Variants in MEPE observed in about 807,000 individuals in gnomAD.
MEPE encodes matrix extracellular phosphoglycoprotein.
MEPE carries 7 observed loss-of-function variants against 7.3 expected under a neutral mutation model. That is an observed-to-expected ratio of 0.95 (90% CI 0.54 to 1.79). MEPE has a LOEUF of 1.79. Ranked by LOEUF, MEPE falls within the 40% of genes most tolerant of loss-of-function variation. The pLI is 0.00. For synonymous variants in MEPE, 214 were observed against 213.1 expected, an observed-to-expected ratio of 1.00 and a Z score of -0.04; for missense variants, 623 against 628.2, an observed-to-expected ratio of 0.99 and a Z score of 0.09.
chr4:87,823,524 A>C (rs1722392541), intron 1 of MEPE, among the ~76,000 whole-genome samples: 2 of 152,226 alleles, frequency 1.3e-5, no homozygotes, highest in South Asian at 4.1e-4. Context: ...TTTAACCAAA[A>C]AGGTAAAACA....
chr4:87,839,320 G>C (rs73840163), intron 3 of MEPE, among the ~76,000 whole-genome samples: 3,852 of 152,230 alleles, frequency 0.025, 178 homozygotes, highest in African/African-American at 0.087. Context: ...TTAGACATCA[G>C]ACATGAATAT....
At chr4:87,826,175 A>G (rs193015773) in intron 1 of MEPE, among the ~76,000 whole-genome samples, 1 of 151,958 alleles carries the variant, frequency 6.6e-6, no homozygotes, top group East Asian at 1.9e-4. Context: ...TGCAATAAAC[A>G]TACATGTGCA....
At chr4:87,841,551 T>G (rs529803049) in intron 3 of MEPE, among the ~76,000 whole-genome samples, 1 of 152,324 alleles carries the variant, frequency 6.6e-6, no homozygotes, top group African/African-American at 2.4e-5. Flanking sequence ...AGCTAGCTTC[T>G]TAAAAGTAGA....
chr4:87,828,061 T>C (rs1422065242), upstream of MEPE, among the ~76,000 whole-genome samples: 1 of 152,198 alleles, frequency 6.6e-6, no homozygotes, highest in African/African-American at 2.4e-5. Flanking sequence ...TTCCTTCTGC[T>C]AAAAACAGGG....
Position 87,845,426 on chromosome 4 carries a change from T to A in MEPE, c.558T>A (p.Tyr186Ter), listed in dbSNP as rs151139138. 2 of 1,613,886 alleles carry A rather than the reference T, an allele frequency of 1.2e-6. No homozygotes were observed. The highest frequency in any genetic ancestry group is 1.7e-6 in the Non-Finnish European group (2 of 1,179,994). The change falls in exon 4 of 4, where the codon TAT (tyrosine) becomes TAA (stop). Residue 186 changes from tyrosine (Y) to a stop codon, truncating the protein, a stop_gained. Transcript: ENST00000361056. LOFTEE classifies it low-confidence loss of function (END_TRUNC). ...ACATAATCCCAGCAAGTATGAATTATGCTAAAGCACACTCGAAGGATAAAA... is the reference window on the plus strand; with the variant it reads ...ACATAATCCCAGCAAGTATGAATTAAGCTAAAGCACACTCGAAGGATAAAA... The part of the protein sequence containing the change: ...VLNIIPASMN[Y>*]AKAHSKDKKK...
chr4:87,830,432 C>T (rs772124297), upstream of MEPE, among the ~76,000 whole-genome samples: 2 of 152,146 alleles, frequency 1.3e-5, no homozygotes, highest in African/African-American at 2.4e-5. Flanking sequence ...TTTGTGGGAA[C>T]ATGGCTGGAG....
At chr4:87,844,418 T>G (rs1245442741) in intron 3 of MEPE, among the ~76,000 whole-genome samples, 1 of 152,218 alleles carries the variant, frequency 6.6e-6, no homozygotes, top group African/African-American at 2.4e-5. Flanking sequence ...CTCCTCTGCT[T>G]TCTCTTTTTC....
rs1360807355 is a variant in MEPE at position 87,838,704 on chromosome 4, T to C, written c.108+19T>C. 1.9e-6 allele frequency: 3 copies of C among 1,606,896 alleles called. No individual in the cohort carries two copies. The highest frequency in any genetic ancestry group is 1.3e-5 in the African/African-American group (1 of 74,760). ...GCAGAGGGTAAACAGAATTCATCTT[T>C]TCAAATAACTCTATTTCAGCTCTAT... On this transcript the variant is annotated intron_variant, in intron 3 of 3. Coordinates refer to ENST00000361056, the MANE Select transcript of MEPE (RefSeq NM_020203.6).
At chr4:87,826,643 C>T (rs550805822) in intron 1 of MEPE, among the ~76,000 whole-genome samples, 1 of 152,112 alleles carries the variant, frequency 6.6e-6, no homozygotes, top group Non-Finnish European at 1.5e-5. Context: ...TGCAGCCTCA[C>T]CAACATCTGT....
chr4:87,829,703 T>C (rs1434801761), upstream of MEPE, among the ~76,000 whole-genome samples: 2 of 84,564 alleles, frequency 2.4e-5, no homozygotes, highest in Non-Finnish European at 4.6e-5. Flanking sequence ...CAATAGCATA[T>C]CCAAAGTTGA....
chr4:87,825,912 C>T (rs1275028584), intron 1 of MEPE, among the ~76,000 whole-genome samples: 1 of 152,146 alleles, frequency 6.6e-6, no homozygotes, highest in Non-Finnish European at 1.5e-5. Context: ...TATTCAACTC[C>T]CACTTATAAG....
intron 1 of MEPE, among the ~76,000 whole-genome samples, chr4:87,822,329 G>A (rs1233528179): frequency 1.3e-5 from 2 of 152,086 alleles, no homozygotes; most frequent in Non-Finnish European, 2.9e-5. Flanking sequence ...ATTGGGGTGG[G>A]TTTTGTAATC....
intron 3 of MEPE, chr4:87,839,848 G>A: frequency 6.5e-7 from 1 of 1,543,506 alleles, no homozygotes; most frequent in Non-Finnish European, 8.8e-7. Context: ...GAAAATGTAG[G>A]GGAGGCAAAG....
rs1723175968 is a variant in MEPE at position 87,845,295 on chromosome 4, G to A, written c.427G>A (p.Gly143Ser). The change falls in exon 4 of 4, where the codon GGC becomes AGC. Residue 143 changes from glycine (G) to serine (S), a missense_variant. Transcript: ENST00000361056. ...CAAACTACATGACCAAGAAGAATAT[G>A]GCGCAGCTCTCATCAGAAATAACAT... Reference protein sequence around the residue: ...ISKLHDQEEYGAALIRNNMQH... With the variant: ...ISKLHDQEEYSAALIRNNMQH... The A allele has an allele frequency of 6.2e-7, 1 of 1,613,992 alleles. No homozygotes were observed. The highest frequency in any genetic ancestry group is 2.2e-5 in the East Asian group (1 of 44,884).
In MEPE at chr4:87,845,029, TA is replaced by T. The variant is rs1723157552; in HGVS notation, c.164del (p.Asn55IlefsTer42). 6.2e-7 allele frequency: 1 copy of T among 1,604,366 alleles called. No individual in the cohort carries two copies. Among genetic ancestry groups the T allele is most frequent in the Non-Finnish European group, 8.5e-7 (1 of 1,177,234 alleles). On this transcript the variant is annotated frameshift_variant, in exon 4 of 4. Coordinates refer to ENST00000361056, the MANE Select transcript of MEPE (RefSeq NM_020203.6). LOFTEE classifies it low-confidence loss of function (END_TRUNC). ...GGTTTTCACCATTTGGGCAAGAGAA[TA>T]AATCAAGAGCTATCATCTAAAGAAA... Reference protein sequence around the residue: ...NIGFHHLGKRINQELSSKENI... With the variant: ...NIGFHHLGKRXNQELSSKENI...
chr4:87,846,221 G>T lies in MEPE; in HGVS notation c.1353G>T (p.Met451Ile), dbSNP rs371234606. 6.2e-7 allele frequency: 1 copy of T among 1,613,830 alleles called. No individual in the cohort carries two copies. The highest frequency in any genetic ancestry group is 1.3e-5 in the African/African-American group (1 of 74,886). Reference sequence around the variant, plus strand: ...TTGATAATGAAATCAAAAACGAAATGGATTCCTTTAATGGCCCCAGTCATG... The same window carrying T: ...TTGATAATGAAATCAAAAACGAAATTGATTCCTTTAATGGCCCCAGTCATG... ...RGLDNEIKNEMDSFNGPSHEN... is the reference protein window; with the variant it reads ...RGLDNEIKNEIDSFNGPSHEN... Residue 451 changes from methionine (M) to isoleucine (I), a missense_variant, in exon 4 of 4, where the codon ATG becomes ATT. Physicochemically the swap from Met to Ile is conservative, Grantham distance 10. Coordinates refer to ENST00000361056, the MANE Select transcript of MEPE (RefSeq NM_020203.6).
In MEPE at chr4:87,845,157, A is replaced by G. The variant is rs1391078332; in HGVS notation, c.289A>G (p.Asn97Asp). 2 of 1,613,634 alleles carry G rather than the reference A, an allele frequency of 1.2e-6. No homozygotes were observed. The highest frequency in any genetic ancestry group is 1.7e-6 in the Non-Finnish European group (2 of 1,179,840). Residue 97 changes from asparagine (N) to aspartate (D), a missense_variant, in exon 4 of 4, where the codon AAT (asparagine) becomes GAT (aspartate). Physicochemically the swap from Asn to Asp is conservative, Grantham distance 23. Transcript: ENST00000361056. ...QNYFTNRQRLNKEYSISNKEN... is the reference protein window; with the variant it reads ...QNYFTNRQRLDKEYSISNKEN... ...TTATTTCACAAATAGACAGAGACTG[A>G]ATAAAGAATATAGTATCAGTAACAA...
chr4:87,828,262 C>T (rs1722520459), upstream of MEPE, among the ~76,000 whole-genome samples: 2 of 152,104 alleles, frequency 1.3e-5, no homozygotes, highest in African/African-American at 2.4e-5. Context: ...AGGGGAAATA[C>T]TGTATATTTG....
chr4:87,830,722 A>G (rs868407529), upstream of MEPE, among the ~76,000 whole-genome samples: 3 of 152,028 alleles, frequency 2.0e-5, no homozygotes, highest in Non-Finnish European at 4.4e-5. Flanking sequence ...TGTACCTCCA[A>G]ACCTAAATAA....
Sources: gnomAD v4.1 joint callset for allele counts (sites outside exome capture counted in the v4.1 genomes callset) on GRCh38, gnomAD v4.1.1 for gene constraint, MANE v1.5 for transcripts, NCBI Gene and HGNC (gene_info 2026-07-23, HGNC 2026-07-21) for gene names.